Variants in GABBR2 observed in about 807,000 individuals in gnomAD.
GABBR2 encodes G-protein coupled receptor 51.
Under a neutral mutation model 105.6 loss-of-function variants are expected in GABBR2, and 23 were observed. The ratio of observed to expected loss-of-function variants is 0.22; its 90% CI spans 0.16 to 0.31. The LOEUF (loss-of-function observed/expected upper bound fraction) is 0.31, where lower values mean the gene tolerates loss of function less well. Among genes scored for constraint, GABBR2 ranks in the 10% least tolerant of loss-of-function variants. GABBR2 has a pLI of 1.00. For synonymous variants in GABBR2, 478 were observed against 499.7 expected (o/e 0.96, Z 0.58); for missense variants, 734 against 1,245.5 (o/e 0.59, Z 6.18).
chr9:98,463,590 CCTCTCGCTCTCCGTCTCG>C (rs147595474), intron 6 of GABBR2, among the ~76,000 whole-genome samples: 69,320 of 146,366 alleles, frequency 0.47, 16,445 homozygotes, highest in Middle Eastern at 0.54. Context: ...TCTCCCTCGC[CCTCTCGCTCTCCGTCTCG>C]CTCTCGCTCT....
chr9:98,463,187 C>T (rs1826455314), intron 6 of GABBR2, among the ~76,000 whole-genome samples: 1 of 152,120 alleles, frequency 6.6e-6, no homozygotes, highest in Admixed American at 6.5e-5. Context: ...CTGCGCCCAG[C>T]CAATATGTGC....
In GABBR2 at chr9:98,484,537, G is replaced by A. The variant is rs547312849; in HGVS notation, c.733-3540C>T. 1.6e-4 allele frequency among the ~76,000 whole-genome samples: 25 copies of A among 152,236 alleles called. No homozygotes were observed. The South Asian group carries it at 2.9e-3, about 18-fold the overall frequency. On this transcript the variant is annotated intron_variant, in intron 4 of 18. Coordinates refer to ENST00000259455, the MANE Select transcript of GABBR2 (RefSeq NM_005458.8). Reference sequence around the variant, plus strand: ...GTCTGGAAGGAAGGAGGAGCAGCCCGGAATCCAGGGTTGGGGAGAGGCCAA... The same window carrying A: ...GTCTGGAAGGAAGGAGGAGCAGCCCAGAATCCAGGGTTGGGGAGAGGCCAA...
rs550786823 is a variant in GABBR2 at position 98,370,103 on chromosome 9, A to G, written c.1770+1361T>C. On this transcript the variant is annotated intron_variant, in intron 12 of 18. Coordinates refer to ENST00000259455, the MANE Select transcript of GABBR2 (RefSeq NM_005458.8). The stretch of plus-strand genomic sequence containing the variant: ...CAAAAGAGAGGCAGCTACTACAGTG[A>G]CATCAACCTTCAGTCCTTGAGTTTG... Among the ~76,000 whole-genome samples, 4 of 152,238 alleles carry G rather than the reference A, an allele frequency of 2.6e-5. No individual in the cohort carries two copies. The South Asian group carries it at 8.3e-4, about 32-fold the overall frequency.
chr9:98,485,508 ACACACACACACAGG>A (rs1391498255), intron 4 of GABBR2, among the ~76,000 whole-genome samples: 1 of 89,864 alleles, frequency 1.1e-5, no homozygotes, highest in Non-Finnish European at 2.6e-5. Flanking sequence ...ACACGCAGGC[ACACACACACACAGG>A]CACGCACACA....
intron 1 of GABBR2, among the ~76,000 whole-genome samples, chr9:98,648,110 TGTGTGTATAGATAGATAGATAG>T (rs1283523328): frequency 1.8e-5 from 2 of 108,974 alleles, no homozygotes; most frequent in African/African-American, 7.3e-5. Context: ...TGTGTGTGTG[TGTGTGTATAGATAGATAGATAG>T]ATAGATAGAT....
At chr9:98,638,223 C>T (rs1829906666) in intron 1 of GABBR2, among the ~76,000 whole-genome samples, 1 of 152,334 alleles carries the variant, frequency 6.6e-6, no homozygotes, top group East Asian at 1.9e-4. Context: ...TACATAATCA[C>T]AATACAGTTA....
At chr9:98,707,652 C>G (rs509747) in intron 1 of GABBR2, among the ~76,000 whole-genome samples, 106,994 of 152,202 alleles carry the variant, frequency 0.7, 38,981 homozygotes, top group Middle Eastern at 0.83. Flanking sequence ...CAAGCCTGAG[C>G]CGTGAGAAAC....
chr9:98,603,783 C>T (rs1047217860), intron 1 of GABBR2, among the ~76,000 whole-genome samples: 4 of 152,162 alleles, frequency 2.6e-5, no homozygotes, highest in African/African-American at 9.7e-5. Context: ...CAGGGTAGCA[C>T]ACAAGATCTT....
chr9:98,634,129 T>G (rs956167018), intron 1 of GABBR2, among the ~76,000 whole-genome samples: 7 of 151,972 alleles, frequency 4.6e-5, no homozygotes, highest in Non-Finnish European at 1.0e-4. Context: ...ACTATAGGAG[T>G]GCCTATTAGG....
At chr9:98,495,175 A>G (rs968985591) in intron 4 of GABBR2, among the ~76,000 whole-genome samples, 5 of 152,226 alleles carry the variant, frequency 3.3e-5, no homozygotes, top group African/African-American at 1.2e-4. Context: ...CCAAGGCTGA[A>G]ATGTGACCCG....
chr9:98,489,970 G>A (rs1370638613), intron 4 of GABBR2, among the ~76,000 whole-genome samples: 6 of 152,210 alleles, frequency 3.9e-5, no homozygotes, highest in Non-Finnish European at 8.8e-5. Flanking sequence ...GAGGGCACCT[G>A]TAATCCCAGC....
intron 17 of GABBR2, among the ~76,000 whole-genome samples, chr9:98,295,798 A>G (rs1830371856): frequency 6.6e-6 from 1 of 152,248 alleles, no homozygotes; most frequent in Non-Finnish European, 1.5e-5. Flanking sequence ...TGCTGGGATT[A>G]CAGGCTTGAG....
chr9:98,529,008 T>C (rs1168283980), intron 3 of GABBR2, among the ~76,000 whole-genome samples: 1 of 152,196 alleles, frequency 6.6e-6, no homozygotes, highest in African/African-American at 2.4e-5. Flanking sequence ...TACCTCCATG[T>C]TCAATAACGG....
At chr9:98,508,556 C>T (rs1262505692) in intron 3 of GABBR2, among the ~76,000 whole-genome samples, 3 of 152,242 alleles carry the variant, frequency 2.0e-5, no homozygotes, top group Non-Finnish European at 4.4e-5. Context: ...AATTGGGTCA[C>T]TCCCACCCTA....
intron 1 of GABBR2, among the ~76,000 whole-genome samples, chr9:98,584,488 A>G (rs1829043012): frequency 6.6e-6 from 1 of 152,148 alleles, no homozygotes; most frequent in Admixed American, 6.5e-5. Context: ...AGGACTTGTC[A>G]CAGAGAAATC....
chr9:98,458,170 A>G (rs1826359179), intron 6 of GABBR2, among the ~76,000 whole-genome samples: 1 of 152,242 alleles, frequency 6.6e-6, no homozygotes, highest in Non-Finnish European at 1.5e-5. Flanking sequence ...AACAGAAATG[A>G]GCTGAGTCCT....
At chr9:98,483,327 C>T (rs1826972859) in intron 4 of GABBR2, among the ~76,000 whole-genome samples, 1 of 152,180 alleles carries the variant, frequency 6.6e-6, no homozygotes, top group Non-Finnish European at 1.5e-5. Flanking sequence ...ATTCCTTACT[C>T]AGTGAACAGC....
chr9:98,490,847 T>C (rs1001357674), intron 4 of GABBR2, among the ~76,000 whole-genome samples: 25 of 152,204 alleles, frequency 1.6e-4, no homozygotes, highest in African/African-American at 5.1e-4. Context: ...AGCCACCCCC[T>C]GTTCAGAACA....
At chr9:98,535,864 T>G (rs1014652298) in intron 3 of GABBR2, among the ~76,000 whole-genome samples, 2 of 152,036 alleles carry the variant, frequency 1.3e-5, no homozygotes, top group African/African-American at 2.4e-5. Flanking sequence ...CAGAGGACTT[T>G]TAGGGTGGTG....
Sources: gnomAD v4.1 joint callset for allele counts (sites outside exome capture counted in the v4.1 genomes callset) on GRCh38, gnomAD v4.1.1 for gene constraint, MANE v1.5 for transcripts, NCBI Gene and HGNC (gene_info 2026-07-23, HGNC 2026-07-21) for gene names.